Variants in N4BP2L2 observed in about 807,000 individuals in gnomAD.
N4BP2L2 encodes NEDD4-binding protein 2-like 2.
N4BP2L2 carries 50 observed loss-of-function variants against 56.2 expected under a neutral mutation model. The ratio of observed to expected loss-of-function variants is 0.89; its 90% CI spans 0.71 to 1.13. N4BP2L2 has a LOEUF of 1.13. N4BP2L2 is among the 50% of genes most tolerant of loss of function. N4BP2L2 has a pLI of 0.00. For missense variants in N4BP2L2, 689 were observed against 693.8 expected (o/e 0.99, Z 0.08); for synonymous variants, 203 against 223.6 (o/e 0.91, Z 0.82).
At chr13:32,441,336 A>C (rs1489457273) in intron 7 of N4BP2L2, among the ~76,000 whole-genome samples, 1 of 152,182 alleles carries the variant, frequency 6.6e-6, no homozygotes, top group African/African-American at 2.4e-5. Flanking sequence ...GGGAGCTATA[A>C]TAGTGAATGA....
intron 6 of N4BP2L2, among the ~76,000 whole-genome samples, chr13:32,462,285 C>T (rs2080257609): frequency 2.0e-5 from 3 of 152,136 alleles, no homozygotes; most frequent in African/African-American, 7.2e-5. Flanking sequence ...GAAATCCTGT[C>T]ATTTCCAGTA....
exon 7 of N4BP2L2, chr13:32,443,474 C>T: frequency 6.2e-7 from 1 of 1,613,310 alleles, no homozygotes; most frequent in Non-Finnish European, 8.5e-7. Flanking sequence ...GTTGTATACA[C>T]TTGTTCCTCT....
intron 2 of N4BP2L2, among the ~76,000 whole-genome samples, chr13:32,533,128 G>A (rs565472975): frequency 3.9e-5 from 6 of 152,190 alleles, no homozygotes; most frequent in East Asian, 1.9e-4. Flanking sequence ...GATAAGTCTC[G>A]TTTTTTTAAA....
At chr13:32,475,777 C>T (rs1219999158) in intron 6 of N4BP2L2, among the ~76,000 whole-genome samples, 1 of 152,146 alleles carries the variant, frequency 6.6e-6, no homozygotes, top group Non-Finnish European at 1.5e-5. Context: ...TTCCCATATC[C>T]CTACTATCTG....
Position 32,521,346 on chromosome 13 carries a change from G to A in N4BP2L2, c.1550+27C>T, listed in dbSNP as rs781521890. On this transcript the variant is annotated intron_variant, in intron 5 of 5. Coordinates refer to ENST00000267068, the Ensembl canonical transcript of N4BP2L2. Reference sequence around the variant, plus strand: ...CACAAAAGAAAGAAGAAAAGTTAAGGATTCAATAAAAATTCGAGTGTCTTA... The same window carrying A: ...CACAAAAGAAAGAAGAAAAGTTAAGAATTCAATAAAAATTCGAGTGTCTTA... The A allele has an allele frequency of 4.1e-6, 6 of 1,469,938 alleles. No individual in the cohort carries two copies. In the African/African-American group the frequency reaches 8.4e-5, roughly 21 times the overall value. 91.1% of individuals were successfully genotyped at this position (1,469,938 alleles called of 1,614,324 possible).
intron 6 of N4BP2L2, among the ~76,000 whole-genome samples, chr13:32,470,165 G>A (rs969013036): frequency 6.6e-6 from 1 of 152,152 alleles, no homozygotes; most frequent in Non-Finnish European, 1.5e-5. Context: ...TGCACAGCTT[G>A]GCAGCTGTGC....
At chr13:32,480,304 T>C (rs1264937858) in intron 6 of N4BP2L2, among the ~76,000 whole-genome samples, 1 of 152,154 alleles carries the variant, frequency 6.6e-6, no homozygotes, top group Non-Finnish European at 1.5e-5. Flanking sequence ...AATAAATATA[T>C]TTATTTTCAA....
chr13:32,453,251 G>C (rs1388938317), intron 6 of N4BP2L2, among the ~76,000 whole-genome samples: 1 of 152,118 alleles, frequency 6.6e-6, no homozygotes, highest in Non-Finnish European at 1.5e-5. Flanking sequence ...GGGAGACTTT[G>C]TCTTCAAAAA....
intron 2 of N4BP2L2, among the ~76,000 whole-genome samples, chr13:32,529,735 T>C (rs2140223094): frequency 6.6e-6 from 1 of 152,048 alleles, no homozygotes; most frequent in East Asian, 1.9e-4. Flanking sequence ...TCTTTTCTTT[T>C]TTTTTTTTAG....
At chr13:32,529,388 G>T (rs1044464027) in intron 2 of N4BP2L2, among the ~76,000 whole-genome samples, 6 of 152,196 alleles carry the variant, frequency 3.9e-5, no homozygotes, top group African/African-American at 1.4e-4. Flanking sequence ...GGGTTGGGTT[G>T]TGTGTTTGCT....
intron 2 of N4BP2L2, among the ~76,000 whole-genome samples, chr13:32,532,798 C>T (rs2055294523): frequency 6.6e-6 from 1 of 151,524 alleles, no homozygotes; most frequent in South Asian, 2.1e-4. Context: ...ACAATGTTGG[C>T]CAGGATGGTC....
intron 6 of N4BP2L2, among the ~76,000 whole-genome samples, chr13:32,473,842 GATAATCCAGT>G (rs1330884139): frequency 6.6e-6 from 1 of 152,160 alleles, no homozygotes; most frequent in Non-Finnish European, 1.5e-5. Flanking sequence ...GGGCCCACCA[GATAATCCAGT>G]ATAATCTCAC....
chr13:32,452,767 T>C (rs1308803867), intron 6 of N4BP2L2, among the ~76,000 whole-genome samples: 1 of 152,224 alleles, frequency 6.6e-6, no homozygotes, highest in Non-Finnish European at 1.5e-5. Flanking sequence ...CAATGAGTAC[T>C]ATGATCCTAT....
At chr13:32,493,920 G>A (rs1432003163) in intron 6 of N4BP2L2, among the ~76,000 whole-genome samples, 1 of 152,160 alleles carries the variant, frequency 6.6e-6, no homozygotes, top group Non-Finnish European at 1.5e-5. Flanking sequence ...TCCTTCTATT[G>A]ACTGACTGTA....
intron 6 of N4BP2L2, among the ~76,000 whole-genome samples, chr13:32,459,349 G>A (rs1468347840): frequency 6.6e-6 from 1 of 151,420 alleles, no homozygotes; most frequent in Non-Finnish European, 1.5e-5. Flanking sequence ...AACAAAAAGT[G>A]TTTTTTTTGA....
At chr13:32,499,074 C>T (rs1379427815) in intron 6 of N4BP2L2, among the ~76,000 whole-genome samples, 1 of 151,880 alleles carries the variant, frequency 6.6e-6, no homozygotes, top group East Asian at 1.9e-4. Flanking sequence ...TGCCTCTAAG[C>T]CTTTGATTAT....
At chr13:32,486,601 G>T (rs968745503) in intron 6 of N4BP2L2, among the ~76,000 whole-genome samples, 2 of 151,966 alleles carry the variant, frequency 1.3e-5, no homozygotes, top group African/African-American at 4.8e-5. Flanking sequence ...GCTTGAACCC[G>T]GGAGGCAAAA....
chr13:32,520,443 G>A (rs1415881726), intron 5 of N4BP2L2, among the ~76,000 whole-genome samples: 3 of 151,512 alleles, frequency 2.0e-5, no homozygotes, highest in African/African-American at 7.3e-5. Flanking sequence ...CAGATCACGA[G>A]GTCAGGAAAT....
chr13:32,537,856 C>T (rs2056939671), intron 1 of N4BP2L2, among the ~76,000 whole-genome samples: 1 of 152,082 alleles, frequency 6.6e-6, no homozygotes, highest in South Asian at 2.1e-4. Flanking sequence ...CGGATTGCTG[C>T]TTAGGAGTTC....
Sources: allele counts gnomAD v4.1 joint callset (sites outside exome capture counted in the v4.1 genomes callset), GRCh38; gene constraint gnomAD v4.1.1; transcripts MANE v1.5; gene names NCBI Gene and HGNC (gene_info 2026-07-23, HGNC 2026-07-21).